SPARC: variants seen among roughly 807,000 people sequenced by gnomAD.
SPARC encodes the protein basement-membrane protein 40.
Under a neutral mutation model 37.7 loss-of-function variants are expected in SPARC, and 23 were observed. The observed-to-expected ratio is 0.61, with a 90% CI of 0.44 to 0.87. SPARC has a LOEUF of 0.87. Among genes scored for constraint, SPARC ranks in the 40% least tolerant of loss-of-function variants. The pLI is 0.00. For missense variants in SPARC, 312 were observed against 389.0 expected (o/e 0.80, Z 1.66); for synonymous variants, 155 against 150.8 (o/e 1.03, Z -0.20).
In SPARC at chr5:151,664,033, C is replaced by G. The variant is rs373668670; in HGVS notation, c.883+54G>C. ...AGAGTGGGGGGATGACAACCCAGCA[C>G]CCTGGGAGCAGTGTTTCTGCCCATG... On this transcript the variant is annotated intron_variant, in intron 9 of 9. Coordinates refer to ENST00000231061, the MANE Select transcript of SPARC (RefSeq NM_003118.4). 3.8e-4 allele frequency: 615 copies of G among 1,607,652 alleles called. 7 individuals carry two copies. The South Asian group carries it at 6.4e-3, about 17-fold the overall frequency.
intron 7 of SPARC, 51 bp from the exon 8 acceptor site, chr5:151,666,560 A>G: frequency 6.4e-7 from 1 of 1,573,858 alleles, no homozygotes; most frequent in Non-Finnish European, 8.7e-7. Flanking sequence ...GATTGTCTGG[A>G]CCAGTCGGGC....
At chr5:151,673,045 A>G in intron 4 of SPARC, 84 bp downstream of exon 4, 1 of 905,312 alleles carries the variant, frequency 1.1e-6, no homozygotes, top group Admixed American at 1.7e-5. Flanking sequence ...TGCTGGAAGG[A>G]GCCTCATGTA....
At chr5:151,663,735 G>A in intron 9 of SPARC, 136 bp from the exon 10 acceptor site, 1 of 798,536 alleles carries the variant, frequency 1.3e-6, no homozygotes. Context: ...CAGGAAGTCA[G>A]TGACGGAGGA....
intron 1 of SPARC, chr5:151,676,925 C>A (rs1483697545): frequency 2.6e-5 from 4 of 152,224 alleles, no homozygotes; most frequent in Non-Finnish European, 4.4e-5. Flanking sequence ...AGGGTGGCCA[C>A]ATTTTTCTCC....
chr5:151,667,454 A>G lies in SPARC; in HGVS notation c.585+13T>C. 1.2e-6 allele frequency: 2 copies of G among 1,614,124 alleles called. No homozygotes were observed. Among genetic ancestry groups the G allele is most frequent in the Non-Finnish European group, 1.7e-6 (2 of 1,179,970 alleles). ...ACCAGCACGGGGCCAGCAAGGCCAG[A>G]GAGACCACTTACCCGCAGCTTCTGC... On this transcript the variant is annotated intron_variant, in intron 7 of 9. Transcript: ENST00000231061.
chr5:151,671,276 C>T (rs1284160241), intron 5 of SPARC, among the ~76,000 whole-genome samples: 1 of 152,086 alleles, frequency 6.6e-6, no homozygotes, highest in Non-Finnish European at 1.5e-5. Flanking sequence ...GGCCCCAGAA[C>T]CCGTATTTTT....
In SPARC at chr5:151,661,113, C is replaced by T. The variant is rs565169709; in HGVS notation, c.*2458G>A. On this transcript the variant is annotated 3_prime_UTR_variant, in exon 10 of 10. Transcript: ENST00000231061. ...CCAAGTCATTTTCCATGATAGTTCTCTGCTTTATTTCCTTTACAGCACGTT... is the reference window on the plus strand; with the variant it reads ...CCAAGTCATTTTCCATGATAGTTCTTTGCTTTATTTCCTTTACAGCACGTT... 1.3e-5 allele frequency: 2 copies of T among 152,338 alleles called. No homozygotes were observed. Among genetic ancestry groups the T allele is most frequent in the East Asian group, 1.9e-4 (1 of 5,186 alleles). 9.4% of individuals were successfully genotyped at this position (152,338 alleles called of 1,614,324 possible).
chr5:151,677,805 C>T (rs1760894304), intron 1 of SPARC, among the ~76,000 whole-genome samples: 1 of 152,140 alleles, frequency 6.6e-6, no homozygotes, highest in African/African-American at 2.4e-5. Context: ...CAAAACCTCA[C>T]CCCCTATTGC....
intron 7 of SPARC, 149 bp from the exon 8 acceptor site, chr5:151,666,658 A>C: frequency 1.6e-6 from 1 of 622,564 alleles, no homozygotes; most frequent in Admixed American, 3.0e-5. Context: ...ATAGATGGGT[A>C]CTAGCATCTC....
At chr5:151,685,491 T>C (rs1761118081) in intron 1 of SPARC, among the ~76,000 whole-genome samples, 1 of 150,890 alleles carries the variant, frequency 6.6e-6, no homozygotes, top group South Asian at 2.1e-4. Flanking sequence ...TAGAGATGGC[T>C]TGAGGCCCAT....
rs1299214091 is a variant in SPARC at position 151,662,548 on chromosome 5, G to A, written c.*1023C>T. ...GCTTTTTCATGAAATGCTTGGAGGT[G>A]AACGAGTTCTCAGCCTGTGAGATCC... is the stretch of plus-strand genomic sequence containing the variant. On this transcript the variant is annotated 3_prime_UTR_variant, in exon 10 of 10. Coordinates refer to ENST00000231061, the MANE Select transcript of SPARC (RefSeq NM_003118.4). The A allele has an allele frequency of 6.6e-6, 1 of 152,574 alleles. No individual in the cohort carries two copies. Among genetic ancestry groups the A allele is most frequent in the Non-Finnish European group, 1.5e-5 (1 of 68,040 alleles). The allele number at this position is 152,574 out of a possible 1,614,324, so 9.5% of individuals were successfully genotyped here. A position where few individuals can be genotyped will look rare whatever the true frequency, so the allele number is the denominator to read the frequency against.
At position 151,663,572 on chromosome 5, in the gene SPARC, T is replaced by C. The variant is rs1228359759; in HGVS notation, c.911A>G (p.Ter304=). Residue 304 remains the stop codon, a stop_retained_variant, in exon 10 of 10, where the codon TAA becomes TGA. Transcript: ENST00000231061. ...QKDIDKDLVI[*] The stretch of plus-strand genomic sequence containing the variant: ...TCCGGTACTGTGGAAGGAGTGGATT[T>C]AGATCACAAGATCCTTGTCGATATC... 1.9e-6 allele frequency: 3 copies of C among 1,613,950 alleles called. No individual in the cohort carries two copies. In the South Asian group the frequency reaches 3.3e-5, roughly 18 times the overall value.
Position 151,674,689 on chromosome 5 carries a change from A to G in SPARC, c.58-15T>C. 1 of 1,613,994 alleles carries G rather than the reference A, an allele frequency of 6.2e-7. No individual in the cohort carries two copies. Among genetic ancestry groups the G allele is most frequent in the Non-Finnish European group, 8.5e-7 (1 of 1,179,924 alleles). On this transcript the variant is annotated splice_polypyrimidine_tract_variant and intron_variant, in intron 2 of 9. Coordinates refer to ENST00000231061, the MANE Select transcript of SPARC (RefSeq NM_003118.4). The stretch of plus-strand genomic sequence containing the variant: ...GCTTCTTGCTGCTGTTGGAAAGAGA[A>G]AGTAGCGTTCAGAGGGGTCAGGAAT...
In SPARC at chr5:151,676,045, C is replaced by G. The variant is rs1180673817; in HGVS notation, c.57+87G>C. On this transcript the variant is annotated intron_variant, in intron 2 of 9. Coordinates refer to ENST00000231061, the MANE Select transcript of SPARC (RefSeq NM_003118.4). ...CTTGAAATGGGGAAGTCCCTGTTCC[C>G]TTTCAGCATCCAGGGCTGGCAGGCT... 6 of 1,116,238 alleles carry G rather than the reference C, an allele frequency of 5.4e-6. No homozygotes were observed. The African/African-American group carries it at 9.3e-5, about 17-fold the overall frequency. 69.1% of individuals were successfully genotyped at this position (1,116,238 alleles called of 1,614,324 possible). A position where few individuals can be genotyped will look rare whatever the true frequency, so the allele number is the denominator to read the frequency against.
chr5:151,666,368 T>C lies in SPARC; in HGVS notation c.727A>G (p.Ile243Val). Residue 243 changes from isoleucine to valine, a missense_variant, in exon 8 of 10, where the codon ATT becomes GTT. Ile to Val is a conservative substitution (Grantham distance 29). Transcript: ENST00000231061. ...WQFGQLDQHP[I>V]DGYLSHTELA... ...TAGGGTCTGGGGTCTTACCCGTCAATGGGGTGCTGGTCCAGCTGGCCGAAC... is the reference window on the plus strand; with the variant it reads ...TAGGGTCTGGGGTCTTACCCGTCAACGGGGTGCTGGTCCAGCTGGCCGAAC... 2 of 1,613,864 alleles carry C rather than the reference T, an allele frequency of 1.2e-6. No individual in the cohort carries two copies.
rs538320147 is a variant in SPARC at position 151,669,686 on chromosome 5, C to T, written c.429G>A (p.Leu143=). 7 of 1,614,190 alleles carry T rather than the reference C, an allele frequency of 4.3e-6. No individual in the cohort carries two copies. The South Asian group carries it at 6.6e-5, about 15-fold the overall frequency. ...CACATTTGCAAGGCCCGATGTAGTC[C>T]AGGTGGAGCTTGTGGCCCTTCTTGG... ...EGTKKGHKLH[L]DYIGPCKYIP... Residue 143 remains leucine (L), a synonymous_variant, in exon 6 of 10, where the codon CTG becomes CTA. Coordinates refer to ENST00000231061, the MANE Select transcript of SPARC (RefSeq NM_003118.4).
intron 8 of SPARC, among the ~76,000 whole-genome samples, chr5:151,664,578 A>G (rs925076280): frequency 3.3e-5 from 5 of 152,242 alleles, no homozygotes; most frequent in Non-Finnish European, 7.3e-5. Flanking sequence ...AACTGGGGAC[A>G]CAGAAACTTA....
rs1262300341 is a variant in SPARC at position 151,669,712 on chromosome 5, T to C, written c.403A>G (p.Thr135Ala). The change falls in exon 6 of 10, where the codon ACC (threonine) becomes GCC (alanine). Residue 135 changes from threonine to alanine, a missense_variant. Thr to Ala is a moderately conservative substitution (Grantham distance 58). Coordinates refer to ENST00000231061, the MANE Select transcript of SPARC (RefSeq NM_003118.4). The part of the protein sequence containing the change: ...FFATKCTLEG[T>A]KKGHKLHLDY... Reference sequence around the variant, plus strand: ...AGGTGGAGCTTGTGGCCCTTCTTGGTGCCCTCCAGGGTGCACTTTGTGGCA... The same window carrying C: ...AGGTGGAGCTTGTGGCCCTTCTTGGCGCCCTCCAGGGTGCACTTTGTGGCA... 1.2e-6 allele frequency: 2 copies of C among 1,614,172 alleles called. No homozygotes were observed. The highest frequency in any genetic ancestry group is 3.3e-5 in the Admixed American group (2 of 60,022).
chr5:151,673,502 G>C (rs1307311166), intron 3 of SPARC, among the ~76,000 whole-genome samples: 1 of 152,164 alleles, frequency 6.6e-6, no homozygotes, highest in Non-Finnish European at 1.5e-5. Context: ...GGACAAACCT[G>C]CCTCCTATTC....
Sources: allele counts gnomAD v4.1 joint callset (sites outside exome capture counted in the v4.1 genomes callset), GRCh38; gene constraint gnomAD v4.1.1; transcripts MANE v1.5; gene names NCBI Gene and HGNC (gene_info 2026-07-23, HGNC 2026-07-21).